Variants in GBP3 observed in about 807,000 individuals in gnomAD.
GBP3 encodes guanylate binding protein 3.
Under a neutral mutation model 62.4 loss-of-function variants are expected in GBP3, and 55 were observed. The observed-to-expected ratio is 0.88, with a 90% CI of 0.71 to 1.10. GBP3 has a LOEUF of 1.10. Among genes scored for constraint, GBP3 ranks in the 50% least tolerant of loss-of-function variants. The pLI, the probability that GBP3 is intolerant of heterozygous loss-of-function variation, is 0.00. For synonymous variants in GBP3, 208 were observed against 259.2 expected (o/e 0.80, Z 1.90); for missense variants, 605 against 690.6 (o/e 0.88, Z 1.39).
chr1:89,009,115 T>C lies in GBP3; in HGVS notation c.1491A>G (p.Ala497=), dbSNP rs1414364073. 2 of 1,614,030 alleles carry C rather than the reference T, an allele frequency of 1.2e-6. No homozygotes were observed. Among genetic ancestry groups the C allele is most frequent in the African/African-American group, 1.3e-5 (1 of 74,930 alleles). ...IEVECVKAES[A]QASAKMVEEM... ...CCTCCACCATTTTTGCTGAAGCCTG[T>C]GCAGATTCAGCTTTTACACATTCCA... Residue 497 remains alanine (A), a synonymous_variant, in exon 10 of 11, where the codon GCA becomes GCG. Transcript: ENST00000370481.
At position 89,012,119 on chromosome 1, in the gene GBP3, C is replaced by T. The variant is rs1311584131; in HGVS notation, c.869-92G>A. 6.0e-5 allele frequency: 73 copies of T among 1,216,446 alleles called. 15 individuals are homozygous for T. The Admixed American group carries it at 1.5e-3, about 24-fold the overall frequency. The allele number at this position is 1,216,446 out of a possible 1,614,324, so 75.4% of individuals were successfully genotyped here. ...GAACATGTCAATTTCCACCTATTTTCCTCACAGCATCAAGGTCCTCAGAAT... is the reference window on the plus strand; with the variant it reads ...GAACATGTCAATTTCCACCTATTTTTCTCACAGCATCAAGGTCCTCAGAAT... On this transcript the variant is annotated intron_variant, in intron 6 of 10. Coordinates refer to ENST00000370481, the MANE Select transcript of GBP3 (RefSeq NM_018284.3).
At chr1:89,018,739 C>T (rs747085933) in intron 2 of GBP3, among the ~76,000 whole-genome samples, 1 of 152,128 alleles carries the variant, frequency 6.6e-6, no homozygotes, top group Admixed American at 6.5e-5. Context: ...ATCAAACGAC[C>T]CTAAATCCCT....
rs1007518184 is a variant in GBP3 at position 89,022,830 on chromosome 1, C to T, written c.-169G>A. ...ATCAAATAATTAGAAGTTAAGCAAC[C>T]TTTGTAATGGCTTCAGAGCCTAATG... On this transcript the variant is annotated 5_prime_UTR_variant, in exon 1 of 11. Transcript: ENST00000370481. 1 of 152,126 alleles carries T rather than the reference C, an allele frequency of 6.6e-6. No individual in the cohort carries two copies. Among genetic ancestry groups the T allele is most frequent in the Non-Finnish European group, 1.5e-5 (1 of 68,036 alleles). The allele number at this position is 152,126 out of a possible 1,614,324, so 9.4% of individuals were successfully genotyped here.
intron 2 of GBP3, among the ~76,000 whole-genome samples, chr1:89,019,758 G>A (rs1679082129): frequency 6.6e-6 from 1 of 152,110 alleles, no homozygotes; most frequent in South Asian, 2.1e-4. Context: ...GGTGTAGGTG[G>A]GGCTTTTGTT....
At position 89,009,386 on chromosome 1, in the gene GBP3, C is replaced by A; in HGVS notation, c.1465+6G>T. 6.8e-6 allele frequency: 11 copies of A among 1,612,990 alleles called. No homozygotes were observed. The highest frequency in any genetic ancestry group is 9.3e-6 in the Non-Finnish European group (11 of 1,178,992). ...GGATAATCTGATCCTTTGACTTGCT[C>A]CTCACCTTCAATCTCCTTTTCCTTT... On this transcript the variant is annotated splice_donor_region_variant and intron_variant, in intron 9 of 10. Transcript: ENST00000370481.
chr1:89,007,933 T>C, intron 10 of GBP3, 81 bp from the exon 11 acceptor site: 1 of 1,330,378 alleles, frequency 7.5e-7, no homozygotes, highest in Non-Finnish European at 1.0e-6. Flanking sequence ...CATGCATTGA[T>C]TTATTTAGTA....
At chr1:89,013,691 A>G in intron 5 of GBP3, 3 of 474,512 alleles carry the variant, frequency 6.3e-6, no homozygotes, top group South Asian at 2.8e-5. Flanking sequence ...GGACTAGTAC[A>G]CTGTTCATGT....
At chr1:89,021,510 G>GCA (rs1553178198) in intron 1 of GBP3, among the ~76,000 whole-genome samples, 3,525 of 131,674 alleles carry the variant, frequency 0.027, 74 homozygotes, top group African/African-American at 0.048. Context: ...GCGCGCGCGC[G>GCA]CACACACACA....
At chr1:89,012,098 A>G in intron 6 of GBP3, 71 bp from the exon 7 acceptor site, 1 of 1,315,410 alleles carries the variant, frequency 7.6e-7, no homozygotes, top group South Asian at 1.3e-5. Context: ...AATTCTGAAC[A>G]TGTCAATTTC....
chr1:89,009,541 G>A, intron 8 of GBP3, 47 bp from the exon 9 acceptor site: 1 of 1,607,776 alleles, frequency 6.2e-7, no homozygotes, highest in Non-Finnish European at 8.5e-7. Context: ...ATGGCTGTAA[G>A]CAGGTTTTCC....
Position 89,014,067 on chromosome 1 carries a change from G to A in GBP3, c.625+16C>T. ...TGTTTTGTCGTCCTCATTTATCAAT[G>A]GTACGTCTCTGTTACCTTGCGTTAG... On this transcript the variant is annotated intron_variant, in intron 5 of 10. Transcript: ENST00000370481. The A allele has an allele frequency of 1.2e-6, 2 of 1,610,530 alleles. No homozygotes were observed. The highest frequency in any genetic ancestry group is 1.7e-6 in the Non-Finnish European group (2 of 1,176,780).
rs148436635 is a variant in GBP3 at position 89,011,923 on chromosome 1, C to T, written c.973G>A (p.Ala325Thr). Residue 325 changes from alanine to threonine, a missense_variant, in exon 7 of 11, where the codon GCA becomes ACA. Ala to Thr is a moderately conservative substitution (Grantham distance 58). This residue lies in a region of GBP3 where 137 missense variants were observed against 224.7 expected (regional missense o/e 0.61). Transcript: ENST00000370481. ...LALAQIENSA[A>T]VQKAIAHYDQ... Reference sequence around the variant, plus strand: ...TAGTGGGCAATAGCCTTTTGCACTGCGGCTGAGTTCTCTATCTGGGCCAAG... The same window carrying T: ...TAGTGGGCAATAGCCTTTTGCACTGTGGCTGAGTTCTCTATCTGGGCCAAG... 4.7e-5 allele frequency: 68 copies of T among 1,462,278 alleles called. 15 individuals are homozygous for T. Among genetic ancestry groups the T allele is most frequent in the Admixed American group, 1.6e-4 (9 of 56,082 alleles). 90.6% of individuals were successfully genotyped at this position (1,462,278 alleles called of 1,614,324 possible). A position where few individuals can be genotyped will look rare whatever the true frequency, so the allele number is the denominator to read the frequency against.
At chr1:89,014,684 G>A (rs1424320244) in intron 3 of GBP3, 28 bp from the exon 4 acceptor site, 4 of 1,613,668 alleles carry the variant, frequency 2.5e-6, no homozygotes, top group Non-Finnish European at 3.4e-6. Flanking sequence ...CTGGAGTCAG[G>A]AGCAAGTTTC....
chr1:89,017,704 C>T (rs10801702), intron 2 of GBP3, among the ~76,000 whole-genome samples: 96,446 of 152,022 alleles, frequency 0.63, 32,926 homozygotes, highest in Non-Finnish European at 0.78. Flanking sequence ...AGATGCTCAA[C>T]ATTACTAGTC....
At chr1:89,021,501 C>T (rs901272752) in intron 1 of GBP3, among the ~76,000 whole-genome samples, 2 of 89,074 alleles carry the variant, frequency 2.2e-5, no homozygotes, top group African/African-American at 8.0e-5. Flanking sequence ...AACACGCATG[C>T]GCGCGCGCGC....
intron 8 of GBP3, among the ~76,000 whole-genome samples, chr1:89,009,835 G>A (rs1037707587): frequency 2.6e-5 from 4 of 152,210 alleles, no homozygotes; most frequent in Admixed American, 2.0e-4. Context: ...GAGTGATTCA[G>A]ATAGAGGGAG....
At chr1:89,019,156 T>C (rs767644903) in intron 2 of GBP3, among the ~76,000 whole-genome samples, 22 of 152,322 alleles carry the variant, frequency 1.4e-4, no homozygotes, top group Non-Finnish European at 2.4e-4. Context: ...GAACAGATAT[T>C]CAGACACCCA....
rs1678753400 is a variant in GBP3, at chr1:89,014,222, C to T, written c.486G>A (p.Glu162=). 1 of 1,614,196 alleles carries T rather than the reference C, an allele frequency of 6.2e-7. No individual in the cohort carries two copies. The highest frequency in any genetic ancestry group is 1.1e-5 in the South Asian group (1 of 91,082). Residue 162 remains glutamate (E), a synonymous_variant, in exon 5 of 11, where the codon GAG becomes GAA. Transcript: ENST00000370481. ...IRSKSSPDEN[E]NEDSADFVSF... ...TCACAAAGTCAGCTGAATCCTCATT[C>T]TCATTCTCATCAGGTGAGGATTTTG...
rs532483814 is a variant in GBP3 at position 89,008,915 on chromosome 1, A to G, written c.1659+32T>C. On this transcript the variant is annotated intron_variant, in intron 10 of 10. Coordinates refer to ENST00000370481, the MANE Select transcript of GBP3 (RefSeq NM_018284.3). Reference sequence around the variant, plus strand: ...TCAGGAAGAACAGAGAGAAAACAGAAAAACGAACCACAAGGTGATGCATTT... The same window carrying G: ...TCAGGAAGAACAGAGAGAAAACAGAGAAACGAACCACAAGGTGATGCATTT... 3.7e-4 allele frequency: 590 copies of G among 1,613,850 alleles called. 5 individuals carry two copies. In the South Asian group the frequency reaches 6.0e-3, roughly 16 times the overall value.
Sources: gnomAD v4.1 joint callset for allele counts (sites outside exome capture counted in the v4.1 genomes callset) on GRCh38, gnomAD v4.1.1 for gene constraint, gnomAD v4.1.1 regional missense constraint, MANE v1.5 for transcripts, NCBI Gene and HGNC (gene_info 2026-07-23, HGNC 2026-07-21) for gene names.